ITSN1: variants seen among roughly 807,000 people sequenced by gnomAD.
ITSN1 encodes intersectin-1.
A neutral mutation model predicts 239.8 loss-of-function variants in ITSN1; 58 were observed. The observed-to-expected ratio is 0.24, with a 90% confidence interval of 0.20 to 0.30. The LOEUF (loss-of-function observed/expected upper bound fraction) is 0.30. ITSN1 is among the 10% of genes least tolerant of loss of function. ITSN1 has a pLI of 1.00. For missense variants in ITSN1, 1,558 were observed against 2,103.3 expected, an observed-to-expected ratio of 0.74 and a Z score of 5.07; for synonymous variants, 780 against 770.8, an observed-to-expected ratio of 1.01 and a Z score of -0.20.
intron 29 of ITSN1, among the ~76,000 whole-genome samples, chr21:33,847,963 G>A (rs948675724): frequency 1.3e-5 from 2 of 152,164 alleles, no homozygotes; most frequent in African/African-American, 4.8e-5. Flanking sequence ...GGTACAGCAG[G>A]GGCACTGGGA....
intron 27 of ITSN1, among the ~76,000 whole-genome samples, chr21:33,830,286 C>G (rs1373724515): frequency 6.6e-6 from 1 of 152,042 alleles, no homozygotes; most frequent in African/African-American, 2.4e-5. Flanking sequence ...ATTACTGTTA[C>G]GCAGTTCTCA....
intron 16 of ITSN1, 62 bp from the exon 17 acceptor site, chr21:33,794,279 A>C (rs930565139): frequency 8.0e-7 from 1 of 1,251,358 alleles, no homozygotes; most frequent in African/African-American, 1.5e-5. Context: ...TTGCATGCTG[A>C]TAAATAGTTG....
intron 1 of ITSN1, among the ~76,000 whole-genome samples, chr21:33,657,121 A>C (rs1388441323): frequency 6.6e-6 from 1 of 152,106 alleles, no homozygotes; most frequent in Non-Finnish European, 1.5e-5. Flanking sequence ...CTTCTAATGA[A>C]CCAGTTGCCC....
chr21:33,702,022 T>C (rs58879245), intron 1 of ITSN1, among the ~76,000 whole-genome samples: 152,058 of 152,060 alleles, frequency 1, 76,028 homozygotes, highest in Middle Eastern at 1. Context: ...GAGCCAAGAT[T>C]GCACCACTTC....
rs117341615 is a variant in ITSN1, at chr21:33,727,095, C to T, written c.185+4444C>T. The stretch of plus-strand genomic sequence containing the variant: ...AAGAATACAAGAAAACCTTAATTCT[C>T]GGAGGATGGAGTCAAGTCAGTGTGT... On this transcript the variant is annotated intron_variant, in intron 4 of 39. Coordinates refer to ENST00000381318, the MANE Select transcript of ITSN1 (RefSeq NM_003024.3). Among the ~76,000 whole-genome samples, 148 of 152,140 alleles carry T rather than the reference C, an allele frequency of 9.7e-4. 2 individuals carry two copies. The East Asian group carries it at 0.021, about 21-fold the overall frequency.
chr21:33,861,991 TA>T (rs776558259), intron 31 of ITSN1, among the ~76,000 whole-genome samples: 2,133 of 58,120 alleles, frequency 0.037, 47 homozygotes, highest in Middle Eastern at 0.071. Context: ...TCATCTCTAC[TA>T]AAAAAAAAAA....
intron 1 of ITSN1, among the ~76,000 whole-genome samples, chr21:33,645,655 AAAGT>A (rs1372330152): frequency 2.0e-5 from 3 of 152,152 alleles, no homozygotes; most frequent in Non-Finnish European, 4.4e-5. Flanking sequence ...CTGTGTCCAA[AAAGT>A]AAGTAAGTAA....
intron 1 of ITSN1, among the ~76,000 whole-genome samples, chr21:33,658,597 T>C (rs762542492): frequency 3.3e-5 from 5 of 152,172 alleles, no homozygotes; most frequent in Non-Finnish European, 5.9e-5. Context: ...GTGCAGTTCA[T>C]CATTGACTCA....
chr21:33,685,462 T>C (rs1202975648), intron 1 of ITSN1, among the ~76,000 whole-genome samples: 1 of 152,108 alleles, frequency 6.6e-6, no homozygotes, highest in African/African-American at 2.4e-5. Flanking sequence ...AGGAGTTAGA[T>C]GTATTGGGTA....
chr21:33,726,896 G>A (rs1244779391), intron 4 of ITSN1, among the ~76,000 whole-genome samples: 1 of 152,162 alleles, frequency 6.6e-6, no homozygotes, highest in Non-Finnish European at 1.5e-5. Flanking sequence ...CTTTGTTCTG[G>A]ACTTTGTTTC....
chr21:33,656,289 A>C (rs926866886), intron 1 of ITSN1, among the ~76,000 whole-genome samples: 3 of 152,228 alleles, frequency 2.0e-5, no homozygotes, highest in Non-Finnish European at 2.9e-5. Flanking sequence ...CAAGAGGAGA[A>C]AAAAACGCTA....
At chr21:33,885,932 C>T (rs1351887624) in intron 38 of ITSN1, among the ~76,000 whole-genome samples, 2 of 151,574 alleles carry the variant, frequency 1.3e-5, no homozygotes, top group Non-Finnish European at 2.9e-5. Flanking sequence ...AGCGGCCGGG[C>T]ATGGTGGCTC....
At chr21:33,816,130 T>C (rs1602407242) in intron 22 of ITSN1, among the ~76,000 whole-genome samples, 1 of 151,608 alleles carries the variant, frequency 6.6e-6, no homozygotes, top group East Asian at 1.9e-4. Context: ...GAAGTGGAGG[T>C]TGTGGTGAGC....
chr21:33,766,952 G>C (rs1177328011), intron 10 of ITSN1, among the ~76,000 whole-genome samples: 1 of 152,214 alleles, frequency 6.6e-6, no homozygotes, highest in Non-Finnish European at 1.5e-5. Flanking sequence ...TGGATCACTT[G>C]AGGTCAGGAG....
In ITSN1 at chr21:33,689,566, C is replaced by A. The variant is rs574233067; in HGVS notation, c.-32-29231C>A. On this transcript the variant is annotated intron_variant, in intron 1 of 39. Transcript: ENST00000381318. ...TGATGTATACCTCTAGTCCTAGCTA[C>A]CGTAGAGGCTAACATGGGAGGATTG... Among the ~76,000 whole-genome samples the A allele has an allele frequency of 3.3e-5, 5 of 152,244 alleles. No individual in the cohort carries two copies. In the East Asian group the frequency reaches 9.7e-4, roughly 29 times the overall value.
rs745745415 is a variant in ITSN1 at position 33,829,707 on chromosome 21, A to G, written c.3313A>G (p.Lys1105Glu). ...LAPGQLILIR[K>E]KNPGGWWEGE... is the part of the protein sequence containing the mutation. ...CCCTGGTCAGCTGATTTTGATCCGA[A>G]AAAAGAACCCAGGTGGATGGTGGGA... The change falls in exon 27 of 40, where the codon AAA becomes GAA. Residue 1105 changes from lysine (K) to glutamate (E), a missense_variant. Physicochemically the swap from Lys to Glu is moderately conservative, Grantham distance 56. Around this residue, in one of 2 missense-constraint regions of ITSN1, gnomAD observed 576 missense variants for 893.3 expected, o/e 0.64. Coordinates refer to ENST00000381318, the MANE Select transcript of ITSN1 (RefSeq NM_003024.3). 3 of 1,613,460 alleles carry G rather than the reference A, an allele frequency of 1.9e-6. No homozygotes were observed. Among genetic ancestry groups the G allele is most frequent in the Non-Finnish European group, 2.5e-6 (3 of 1,180,016 alleles).
At chr21:33,751,945 G>GTAA (rs1345775587) in intron 7 of ITSN1, 39 bp downstream of exon 7, 7 of 1,306,230 alleles carry the variant, frequency 5.4e-6, no homozygotes, top group Non-Finnish European at 7.7e-6. Flanking sequence ...TTTGGTTAAG[G>GTAA]CCATTACCTG....
chr21:33,853,314 T>C (rs976415954), intron 29 of ITSN1, among the ~76,000 whole-genome samples: 5 of 152,216 alleles, frequency 3.3e-5, no homozygotes, highest in African/African-American at 1.2e-4. Flanking sequence ...CCAAGCTCCA[T>C]CAGCTCTGAC....
At chr21:33,709,280 T>C (rs1310142081) in intron 1 of ITSN1, among the ~76,000 whole-genome samples, 1 of 152,146 alleles carries the variant, frequency 6.6e-6, no homozygotes, top group South Asian at 2.1e-4. Flanking sequence ...TTTATTTAGG[T>C]CTTCTTTAAG....
Sources: allele counts gnomAD v4.1 joint callset (sites outside exome capture counted in the v4.1 genomes callset), GRCh38; gene constraint gnomAD v4.1.1; regional missense constraint gnomAD v4.1.1; transcripts MANE v1.5; gene names NCBI Gene and HGNC (gene_info 2026-07-23, HGNC 2026-07-21).